The following HRK variants were observed in gnomAD, a reference collection of about 807,000 sequenced individuals.
The protein encoded by HRK is harakiri, BCL2 interacting protein, also known as activator of apoptosis harakiri.
Under a neutral mutation model 5.9 loss-of-function variants are expected in HRK, and 6 were observed. The observed-to-expected ratio is 1.02, with a 90% CI of 0.56 to 2.01. The LOEUF is 2.01. Ranked by LOEUF, HRK falls within the 30% of genes most tolerant of loss-of-function variation. The pLI is 0.00. For synonymous variants in HRK, 85 were observed against 65.1 expected, an observed-to-expected ratio of 1.31 and a Z score of -1.47; for missense variants, 133 against 128.3, an observed-to-expected ratio of 1.04 and a Z score of -0.18.
rs919768021 is a variant in HRK, at chr12:116,859,031, T to C, written c.*2492A>G. ...TCGAGAAGTGCACTCCAATGAATGA[T>C]GTGCAAGGAAAGGTCAGGATTCGAT... is the stretch of plus-strand genomic sequence containing the variant. On this transcript the variant is annotated 3_prime_UTR_variant, in exon 2 of 2. Transcript: ENST00000257572. 6.6e-6 allele frequency: 1 copy of C among 152,120 alleles called. No individual in the cohort carries two copies. The highest frequency in any genetic ancestry group is 1.5e-5 in the Non-Finnish European group (1 of 68,030). The allele number at this position is 152,120 out of a possible 1,614,324, so 9.4% of individuals were successfully genotyped here.
At chr12:116,863,484 C>T (rs1010901724) in intron 1 of HRK, among the ~76,000 whole-genome samples, 2 of 152,170 alleles carry the variant, frequency 1.3e-5, no homozygotes, top group Non-Finnish European at 2.9e-5. Flanking sequence ...CATTCACTCT[C>T]GCTGGTTTCC....
At chr12:116,877,987 C>A (rs949697469) in intron 1 of HRK, among the ~76,000 whole-genome samples, 1 of 152,192 alleles carries the variant, frequency 6.6e-6, no homozygotes, top group Non-Finnish European at 1.5e-5. Flanking sequence ...CTCTTCTTGG[C>A]TGACTGTAAC....
rs1879153086 is a variant in HRK, at chr12:116,881,373, C to T, written c.-66G>A. The T allele has an allele frequency of 1.9e-6, 2 of 1,036,698 alleles. No individual in the cohort carries two copies. Among genetic ancestry groups the T allele is most frequent in the Non-Finnish European group, 2.3e-6 (2 of 864,756 alleles). The allele number at this position is 1,036,698 out of a possible 1,614,324, so 64.2% of individuals were successfully genotyped here. Reference sequence around the variant, plus strand: ...TCGCCTCCTCTCCCTCCGGCCTCTGCGCCCGCTGCCGCCGCGCTCCAGCCG... The same window carrying T: ...TCGCCTCCTCTCCCTCCGGCCTCTGTGCCCGCTGCCGCCGCGCTCCAGCCG... On this transcript the variant is annotated 5_prime_UTR_variant, in exon 1 of 2. Coordinates refer to ENST00000257572, the MANE Select transcript of HRK (RefSeq NM_003806.4).
chr12:116,866,390 CAAAA>C (rs965013066), intron 1 of HRK, among the ~76,000 whole-genome samples: 9 of 54,810 alleles, frequency 1.6e-4, no homozygotes, highest in African/African-American at 3.3e-4. Context: ...GACCCTGTCT[CAAAA>C]AAAAAAAAAA....
At position 116,858,394 on chromosome 12, in the gene HRK, A is replaced by G. The variant is rs1233541350; in HGVS notation, c.*3129T>C. ...CAGGTGGGGGTGAGAAGCTTCCAGA[A>G]AGGACTGGATCTCATTCGGAGTGTT... On this transcript the variant is annotated 3_prime_UTR_variant, in exon 2 of 2. Transcript: ENST00000257572. The G allele has an allele frequency of 6.6e-6, 1 of 151,938 alleles. No homozygotes were observed. The highest frequency in any genetic ancestry group is 2.4e-5 in the African/African-American group (1 of 41,372). The allele number at this position is 151,938 out of a possible 1,614,324, so 9.4% of individuals were successfully genotyped here.
At position 116,859,711 on chromosome 12, in the gene HRK, G is replaced by C. The variant is rs1242438145; in HGVS notation, c.*1812C>G. 6.6e-6 allele frequency: 1 copy of C among 151,416 alleles called. No individual in the cohort carries two copies. The highest frequency in any genetic ancestry group is 1.5e-5 in the Non-Finnish European group (1 of 67,926). The allele number at this position is 151,416 out of a possible 1,614,324, so 9.4% of individuals were successfully genotyped here. ...TCTTCCCTGGCATTCAGCAGCCCTG[G>C]GGTTGCATTTCTCTTTAAAGGGCTA... On this transcript the variant is annotated 3_prime_UTR_variant, in exon 2 of 2. Coordinates refer to ENST00000257572, the MANE Select transcript of HRK (RefSeq NM_003806.4).
rs1358792267 is a variant in HRK, at chr12:116,859,879, G to C, written c.*1644C>G. The C allele has an allele frequency of 1.3e-5, 2 of 152,190 alleles. No homozygotes were observed. Among genetic ancestry groups the C allele is most frequent in the African/African-American group, 4.8e-5 (2 of 41,438 alleles). 9.4% of individuals were successfully genotyped at this position (152,190 alleles called of 1,614,324 possible). ...CTATGGAGGGATAATTCCCATTTCA[G>C]CCGCATCCACCTTAACAAATGTGGA... On this transcript the variant is annotated 3_prime_UTR_variant, in exon 2 of 2. Transcript: ENST00000257572.
chr12:116,862,277 C>T lies in HRK; in HGVS notation c.*57-811G>A, dbSNP rs757322669. ...TGCACAAAATGTGTGCACAAATGCTCATGGCAGAATTATCCATAATAGCAA... is the reference window on the plus strand; with the variant it reads ...TGCACAAAATGTGTGCACAAATGCTTATGGCAGAATTATCCATAATAGCAA... On this transcript the variant is annotated intron_variant, in intron 1 of 1. Coordinates refer to ENST00000257572, the MANE Select transcript of HRK (RefSeq NM_003806.4). This position sits in a 1 kb window ranked among gnomAD's most constrained non-coding sequence, Gnocchi z 4.0. Among the ~76,000 whole-genome samples, 10 of 152,214 alleles carry T rather than the reference C, an allele frequency of 6.6e-5. No homozygotes were observed. The highest frequency in any genetic ancestry group is 1.3e-4 in the Non-Finnish European group (9 of 68,040).
Position 116,881,059 on chromosome 12 carries a change from G to A in HRK, c.249C>T (p.Ala83=). The A allele has an allele frequency of 7.4e-7, 1 of 1,357,696 alleles. No homozygotes were observed. Among genetic ancestry groups the A allele is most frequent in the South Asian group, 1.8e-5 (1 of 55,410 alleles). The allele number at this position is 1,357,696 out of a possible 1,614,324, so 84.1% of individuals were successfully genotyped here. A position where few individuals can be genotyped will look rare whatever the true frequency, so the allele number is the denominator to read the frequency against. ...ACAAGTTCCGCCTGCCGAGCAGCCAGGCCGCCAGCGCCGCCACCTGCGCGG... is the reference window on the plus strand; with the variant it reads ...ACAAGTTCCGCCTGCCGAGCAGCCAAGCCGCCAGCGCCGCCACCTGCGCGG... The part of the protein sequence containing the change: ...CAAAQVAALA[A]WLLGRRNL The change falls in exon 1 of 2, where the codon GCC becomes GCT. Residue 83 remains alanine (A), a synonymous_variant. Transcript: ENST00000257572.
intron 1 of HRK, among the ~76,000 whole-genome samples, chr12:116,876,475 G>A (rs940112951): frequency 6.6e-6 from 1 of 152,156 alleles, no homozygotes; most frequent in Non-Finnish European, 1.5e-5. Flanking sequence ...GCAGGCTCCC[G>A]CTGGCCCATT....
intron 1 of HRK, chr12:116,867,880 A>C (rs1349398218): frequency 1.3e-5 from 2 of 152,154 alleles, no homozygotes; most frequent in Non-Finnish European, 2.9e-5. Context: ...GTGGGTGTCT[A>C]TGCATCAAGG....
rs1468952786 is a variant in HRK at position 116,878,278 on chromosome 12, A to G, written c.*56+2698T>C. 2.0e-5 allele frequency among the ~76,000 whole-genome samples: 3 copies of G among 152,196 alleles called. No homozygotes were observed. Among genetic ancestry groups the G allele is most frequent in the Non-Finnish European group, 2.9e-5 (2 of 68,050 alleles). On this transcript the variant is annotated intron_variant, in intron 1 of 1. Transcript: ENST00000257572. The surrounding 1 kb of genome is among the most constrained non-coding windows in gnomAD (Gnocchi z 4.4). Reference sequence around the variant, plus strand: ...ACACCCTTTAAACCTATGGGAATTGAAAGTGGTAGTTCCCACCCTATATGG... The same window carrying G: ...ACACCCTTTAAACCTATGGGAATTGGAAGTGGTAGTTCCCACCCTATATGG...
chr12:116,876,512 C>T (rs1878934666), intron 1 of HRK, among the ~76,000 whole-genome samples: 1 of 152,162 alleles, frequency 6.6e-6, no homozygotes, highest in South Asian at 2.1e-4. Flanking sequence ...ACCACGTCGC[C>T]TTATGGGCCT....
At chr12:116,872,101 TG>T (rs1878773562) in intron 1 of HRK, among the ~76,000 whole-genome samples, 2 of 152,216 alleles carry the variant, frequency 1.3e-5, no homozygotes. Context: ...CTAAGCATGG[TG>T]GCTCACGCCT....
At position 116,881,366 on chromosome 12, in the gene HRK, G is replaced by A. The variant is rs1292173993; in HGVS notation, c.-59C>T. On this transcript the variant is annotated 5_prime_UTR_variant, in exon 1 of 2. Coordinates refer to ENST00000257572, the MANE Select transcript of HRK (RefSeq NM_003806.4). ...CCGCCCCTCGCCTCCTCTCCCTCCG[G>A]CCTCTGCGCCCGCTGCCGCCGCGCT... is the stretch of plus-strand genomic sequence containing the variant. 1.9e-6 allele frequency: 2 copies of A among 1,043,658 alleles called. No individual in the cohort carries two copies. The highest frequency in any genetic ancestry group is 2.3e-6 in the Non-Finnish European group (2 of 869,394). The allele number at this position is 1,043,658 out of a possible 1,614,324, so 64.6% of individuals were successfully genotyped here.
chr12:116,873,270 G>A (rs1878823324), intron 1 of HRK, among the ~76,000 whole-genome samples: 2 of 152,112 alleles, frequency 1.3e-5, no homozygotes, highest in Admixed American at 1.3e-4. Context: ...CAGTAGCTGG[G>A]ATTACAGGCA....
At position 116,866,082 on chromosome 12, in the gene HRK, C is replaced by A. The variant is rs138713623; in HGVS notation, c.*57-4616G>T. Among the ~76,000 whole-genome samples, 47 of 138,912 alleles carry A rather than the reference C, an allele frequency of 3.4e-4. 2 individuals are homozygous for A. In the South Asian group the frequency reaches 0.011, roughly 31 times the overall value. The allele number at this position is 138,912 out of a possible 152,430, so 91.1% of individuals were successfully genotyped here. ...CTGAGACAGGAGAATCACTTAAACC[C>A]GGGAGGCAGAGGTTGCAGTGAACTG... On this transcript the variant is annotated intron_variant, in intron 1 of 1. Coordinates refer to ENST00000257572, the MANE Select transcript of HRK (RefSeq NM_003806.4).
At chr12:116,870,281 C>G (rs2137249336) in intron 1 of HRK, among the ~76,000 whole-genome samples, 1 of 152,274 alleles carries the variant, frequency 6.6e-6, no homozygotes, top group Admixed American at 6.5e-5. Context: ...ATTAGATGAA[C>G]ATGATTCCTG....
chr12:116,875,819 C>T (rs538437659), intron 1 of HRK, among the ~76,000 whole-genome samples: 1 of 152,266 alleles, frequency 6.6e-6, no homozygotes, highest in South Asian at 2.1e-4. Context: ...GCTGGGATTA[C>T]AGGTGTGAGC....
Sources: allele counts gnomAD v4.1 joint callset (sites outside exome capture counted in the v4.1 genomes callset), GRCh38; gene constraint gnomAD v4.1.1; non-coding constraint Gnocchi (gnomAD v3.1); transcripts MANE v1.5; gene names NCBI Gene and HGNC (gene_info 2026-07-23, HGNC 2026-07-21).